SBSPON: variants seen among roughly 807,000 people sequenced by gnomAD.
SBSPON encodes the protein somatomedin-B and thrombospondin type-1 domain-containing protein.
In SBSPON, 30 loss-of-function variants were observed where a neutral mutation model predicts 35.8. The observed-to-expected ratio is 0.84, with a 90% CI of 0.63 to 1.14. The LOEUF (loss-of-function observed/expected upper bound fraction) is 1.14. Among genes scored for constraint, SBSPON ranks in the 50% most tolerant of loss-of-function variants. The pLI is 0.00. For synonymous variants in SBSPON, 136 were observed against 135.9 expected (o/e 1.00, Z 0.00); for missense variants, 364 against 357.7 (o/e 1.02, Z -0.14).
At chr8:73,087,591 C>G (rs908949594) in intron 1 of SBSPON, among the ~76,000 whole-genome samples, 1 of 152,174 alleles carries the variant, frequency 6.6e-6, no homozygotes, top group Non-Finnish European at 1.5e-5. Context: ...CCTCAACTCT[C>G]TAAATCATCG....
chr8:73,077,328 T>C (rs1195929522), intron 2 of SBSPON, among the ~76,000 whole-genome samples: 2 of 152,250 alleles, frequency 1.3e-5, no homozygotes. Context: ...AAGATCTCTC[T>C]GCTATGCAAA....
At chr8:73,089,754 C>T (rs1334850226) in intron 1 of SBSPON, among the ~76,000 whole-genome samples, 1 of 152,134 alleles carries the variant, frequency 6.6e-6, no homozygotes, top group Non-Finnish European at 1.5e-5. Context: ...GTGCTAAGAG[C>T]CAACCAACAG....
chr8:73,071,734 T>A, intron 3 of SBSPON, 46 bp downstream of exon 3: 2 of 1,159,986 alleles, frequency 1.7e-6, no homozygotes, highest in Non-Finnish European at 2.5e-6. Flanking sequence ...GACTTGACTA[T>A]ACAATTGAAA....
intron 4 of SBSPON, 121 bp from the exon 5 acceptor site, chr8:73,067,579 C>T (rs1247873331): frequency 3.3e-6 from 1 of 305,820 alleles, no homozygotes; most frequent in Admixed American, 4.5e-5. Flanking sequence ...ATAGTGAAAC[C>T]CCGTCTCTAC....
intron 1 of SBSPON, among the ~76,000 whole-genome samples, chr8:73,087,145 C>G (rs924735940): frequency 6.6e-6 from 1 of 152,146 alleles, no homozygotes; most frequent in African/African-American, 2.4e-5. Flanking sequence ...GCCTACCCCG[C>G]AAAGCACACT....
chr8:73,075,165 A>G (rs1002897354), intron 2 of SBSPON, among the ~76,000 whole-genome samples: 2 of 152,166 alleles, frequency 1.3e-5, no homozygotes, highest in African/African-American at 2.4e-5. Context: ...ATCTGCCACC[A>G]AGCTTGGCCC....
At position 73,071,851 on chromosome 8, in the gene SBSPON, G is replaced by C. The variant is rs780792999; in HGVS notation, c.429C>G (p.Thr143=). The C allele has an allele frequency of 2.5e-6, 4 of 1,608,798 alleles. No homozygotes were observed. Among genetic ancestry groups the C allele is most frequent in the Admixed American group, 1.7e-5 (1 of 60,006 alleles). The stretch of plus-strand genomic sequence containing the variant: ...GTGTTCTCTCCTTGTTGAATGCAGA[G>C]GTAGTTATAAAGGCAGGAACTGGAA... The part of the protein sequence containing the change: ...GHTYVPAFIT[T]SAFNKERTRQ... Residue 143 remains threonine (T), a synonymous_variant, in exon 3 of 5, where the codon ACC becomes ACG. Coordinates refer to ENST00000297354, the MANE Select transcript of SBSPON (RefSeq NM_153225.4).
At chr8:73,070,748 G>A (rs1485306470) in intron 3 of SBSPON, among the ~76,000 whole-genome samples, 1 of 152,162 alleles carries the variant, frequency 6.6e-6, no homozygotes, top group African/African-American at 2.4e-5. Flanking sequence ...CAATTCTTCA[G>A]GGAAACAAGA....
chr8:73,091,373 A>C (rs1015240010), intron 1 of SBSPON, among the ~76,000 whole-genome samples: 8 of 152,234 alleles, frequency 5.3e-5, no homozygotes, highest in African/African-American at 1.9e-4. Context: ...GAGCTTGCAC[A>C]GGTTGCCCAG....
chr8:73,080,712 T>C lies in SBSPON; in HGVS notation c.409+307A>G, dbSNP rs76931402. 6.7e-3 allele frequency among the ~76,000 whole-genome samples: 1,017 copies of C among 152,280 alleles called. 15 individuals are homozygous for C. Among genetic ancestry groups the C allele is most frequent in the African/African-American group, 0.023 (949 of 41,550 alleles). On this transcript the variant is annotated intron_variant, in intron 2 of 4. Transcript: ENST00000297354. ...TATCTAAAGTCCTTTATCACCAGCTTGATTGAGTTCACTCAAAACCACAAG... is the reference window on the plus strand; with the variant it reads ...TATCTAAAGTCCTTTATCACCAGCTCGATTGAGTTCACTCAAAACCACAAG...
At chr8:73,074,153 C>T (rs1310972663) in intron 2 of SBSPON, among the ~76,000 whole-genome samples, 1 of 152,186 alleles carries the variant, frequency 6.6e-6, no homozygotes, top group Admixed American at 6.5e-5. Flanking sequence ...TGCAGCATTA[C>T]ACAAGTCCAC....
At chr8:73,071,751 AT>A in intron 3 of SBSPON, 28 bp downstream of exon 3, 3 of 1,198,984 alleles carry the variant, frequency 2.5e-6, no homozygotes, top group South Asian at 1.3e-5. Context: ...GAAAAACATG[AT>A]TAAAAAAAAA....
intron 2 of SBSPON, among the ~76,000 whole-genome samples, chr8:73,072,353 GACAA>G (rs1178833003): frequency 6.6e-5 from 10 of 152,174 alleles, no homozygotes; most frequent in African/African-American, 2.2e-4. Context: ...AGAGAAAACA[GACAA>G]ACAGAGAAAA....
At chr8:73,074,015 C>T (rs1162229579) in intron 2 of SBSPON, among the ~76,000 whole-genome samples, 8 of 152,178 alleles carry the variant, frequency 5.3e-5, no homozygotes, top group Non-Finnish European at 1.5e-5. Context: ...CTCTGTTTCT[C>T]TGAGACCTAA....
chr8:73,068,704 G>A (rs1810438869), intron 4 of SBSPON, among the ~76,000 whole-genome samples: 1 of 152,074 alleles, frequency 6.6e-6, no homozygotes, highest in Non-Finnish European at 1.5e-5. Flanking sequence ...TCTCAGTCAG[G>A]GTTTTATGAA....
intron 1 of SBSPON, among the ~76,000 whole-genome samples, chr8:73,084,302 A>G (rs755745349): frequency 5.3e-5 from 8 of 152,264 alleles, no homozygotes; most frequent in Non-Finnish European, 7.3e-5. Context: ...ACAAGAGTGC[A>G]GCACATTTTC....
In SBSPON at chr8:73,067,313, A is replaced by T. The variant is rs762393975; in HGVS notation, c.*28T>A. 23 of 1,221,868 alleles carry T rather than the reference A, an allele frequency of 1.9e-5. No individual in the cohort carries two copies. Among genetic ancestry groups the T allele is most frequent in the Non-Finnish European group, 1.7e-5 (14 of 823,848 alleles). 75.7% of individuals were successfully genotyped at this position (1,221,868 alleles called of 1,614,324 possible). ...TTGAGAATATTTAGAATGTTTACAA[A>T]TGCATTTGGAAATATTTATATCACC... On this transcript the variant is annotated 3_prime_UTR_variant, in exon 5 of 5. Coordinates refer to ENST00000297354, the MANE Select transcript of SBSPON (RefSeq NM_153225.4).
At chr8:73,069,457 C>T (rs1028001665) in intron 4 of SBSPON, among the ~76,000 whole-genome samples, 1 of 152,004 alleles carries the variant, frequency 6.6e-6, no homozygotes, top group African/African-American at 2.4e-5. Context: ...TTTTTGTAGA[C>T]ATGGGGTTTT....
intron 2 of SBSPON, among the ~76,000 whole-genome samples, chr8:73,078,608 GGGCTGCTTTTCCAGATAGGTT>G (rs1437563789): frequency 6.6e-6 from 1 of 152,070 alleles, no homozygotes; most frequent in Non-Finnish European, 1.5e-5. Flanking sequence ...AGGAGTAGGT[GGGCTGCTTTTCCAGATAGGTT>G]GGCGCTAGCT....
Sources: gnomAD v4.1 joint callset for allele counts (sites outside exome capture counted in the v4.1 genomes callset) on GRCh38, gnomAD v4.1.1 for gene constraint, MANE v1.5 for transcripts, NCBI Gene and HGNC (gene_info 2026-07-23, HGNC 2026-07-21) for gene names.